The following SUCO variants were observed in gnomAD, a reference collection of about 807,000 sequenced individuals.
SUCO encodes SUN domain-containing ossification factor.
In SUCO, 57 loss-of-function variants were observed where a neutral mutation model predicts 148.1. The ratio of observed to expected loss-of-function variants is 0.38; its 90% CI spans 0.31 to 0.48. The LOEUF (loss-of-function observed/expected upper bound fraction) is 0.48, where lower values mean the gene tolerates loss of function less well. SUCO is among the 20% of genes least tolerant of loss of function. The pLI, the probability that SUCO is intolerant of heterozygous loss-of-function variation, is 0.96. For missense variants in SUCO, 1,331 were observed against 1,468.2 expected (o/e 0.91, Z 1.53); for synonymous variants, 470 against 502.7 (o/e 0.93, Z 0.87).
At chr1:172,570,017 T>G in intron 7 of SUCO, 30 bp from the exon 8 acceptor site, 4 of 1,357,424 alleles carry the variant, frequency 2.9e-6, no homozygotes, top group Non-Finnish European at 3.8e-6. Flanking sequence ...AATATATATA[T>G]AAATATTTAT....
chr1:172,602,832 T>A, intron 22 of SUCO, 45 bp downstream of exon 22: 1 of 1,475,058 alleles, frequency 6.8e-7, no homozygotes, highest in Non-Finnish European at 9.4e-7. Context: ...AACATGAAAC[T>A]AGCTTCTGGC....
chr1:172,581,379 G>T (rs536199385), intron 15 of SUCO, among the ~76,000 whole-genome samples: 1 of 152,124 alleles, frequency 6.6e-6, no homozygotes, highest in Non-Finnish European at 1.5e-5. Flanking sequence ...TCTCTAAAAT[G>T]AGATTTAAAA....
At chr1:172,558,928 A>G (rs1427630954) in intron 6 of SUCO, among the ~76,000 whole-genome samples, 1 of 152,356 alleles carries the variant, frequency 6.6e-6, no homozygotes, top group Admixed American at 6.5e-5. Flanking sequence ...TTGTGAGTCT[A>G]TGCTAATCGG....
At chr1:172,580,103 T>A (rs1655771077) in intron 15 of SUCO, among the ~76,000 whole-genome samples, 1 of 152,198 alleles carries the variant, frequency 6.6e-6, no homozygotes, top group Non-Finnish European at 1.5e-5. Flanking sequence ...TGATATTTTG[T>A]GTAGCCACAG....
intron 7 of SUCO, 45 bp from the exon 8 acceptor site, chr1:172,569,999 AATC>A (rs1654831262): frequency 2.3e-6 from 3 of 1,312,324 alleles, no homozygotes; most frequent in Non-Finnish European, 2.9e-6. Context: ...TTTCAGTCAT[AATC>A]ATCAAATATA....
chr1:172,611,559 C>T lies in SUCO; in HGVS notation c.*1300C>T, dbSNP rs1057091547. Reference sequence around the variant, plus strand: ...ATTGTTTGTAATGTGACTTATTTAACGCCTTTTTTGTTTGTTTAAGTTGCT... The same window carrying T: ...ATTGTTTGTAATGTGACTTATTTAATGCCTTTTTTGTTTGTTTAAGTTGCT... On this transcript the variant is annotated 3_prime_UTR_variant, in exon 24 of 24. Coordinates refer to ENST00000263688, the MANE Select transcript of SUCO (RefSeq NM_014283.5). 6.6e-6 allele frequency: 1 copy of T among 152,524 alleles called. No homozygotes were observed. The highest frequency in any genetic ancestry group is 1.5e-5 in the Non-Finnish European group (1 of 68,004). The allele number at this position is 152,524 out of a possible 1,614,324, so 9.4% of individuals were successfully genotyped here.
chr1:172,594,850 T>C (rs943695037), intron 19 of SUCO, among the ~76,000 whole-genome samples: 3 of 152,218 alleles, frequency 2.0e-5, no homozygotes, highest in Admixed American at 6.5e-5. Context: ...TTCTGTCTTA[T>C]TGATCTGTCG....
rs1320906348 is a variant in SUCO at position 172,590,981 on chromosome 1, T to C, written c.2826-3T>C. On this transcript the variant is annotated splice_region_variant and splice_polypyrimidine_tract_variant and intron_variant, in intron 18 of 23. Coordinates refer to ENST00000263688, the MANE Select transcript of SUCO (RefSeq NM_014283.5). Reference sequence around the variant, plus strand: ...CTGATTTAGACCAATTCTTACTTCATAGGTACCGAAAACAAATGGAAGAAA... The same window carrying C: ...CTGATTTAGACCAATTCTTACTTCACAGGTACCGAAAACAAATGGAAGAAA... The C allele has an allele frequency of 5.6e-6, 9 of 1,607,100 alleles. No individual in the cohort carries two copies. Among genetic ancestry groups the C allele is most frequent in the Non-Finnish European group, 7.7e-6 (9 of 1,175,326 alleles).
Position 172,578,307 on chromosome 1 carries a change from C to T in SUCO, c.1350C>T (p.Gly450=), listed in dbSNP as rs77202104. 5.1e-4 allele frequency: 826 copies of T among 1,609,830 alleles called. 8 individuals are homozygous for T. The East Asian group carries it at 0.017, about 33-fold the overall frequency. The part of the protein sequence containing the change: ...FCPLSLIRVF[G]TSMVEEYEEI... Reference sequence around the variant, plus strand: ...AAATTGTTGTTGATAGGGTATTTGGCACTAGCATGGTGGAAGAATATGAAG... The same window carrying T: ...AAATTGTTGTTGATAGGGTATTTGGTACTAGCATGGTGGAAGAATATGAAG... Residue 450 remains glycine, a synonymous_variant, in exon 14 of 24, where the codon GGC becomes GGT. Coordinates refer to ENST00000263688, the MANE Select transcript of SUCO (RefSeq NM_014283.5).
intron 6 of SUCO, among the ~76,000 whole-genome samples, chr1:172,567,143 A>G (rs754225203): frequency 3.3e-5 from 5 of 152,216 alleles, no homozygotes; most frequent in Non-Finnish European, 7.4e-5. Context: ...AAAAGAAGAA[A>G]TAGTCCCAGA....
At chr1:172,597,303 C>T (rs1657183266) in intron 19 of SUCO, among the ~76,000 whole-genome samples, 2 of 152,346 alleles carry the variant, frequency 1.3e-5, no homozygotes, top group Middle Eastern at 3.4e-3. Flanking sequence ...CCAACAAGCC[C>T]CACTGAGATG....
At chr1:172,553,495 G>A in intron 3 of SUCO, 125 bp downstream of exon 3, 1 of 509,334 alleles carries the variant, frequency 2.0e-6, no homozygotes, top group Non-Finnish European at 3.3e-6. Context: ...CTCTGTAACT[G>A]GACTTAAGAT....
rs771799812 is a variant in SUCO, at chr1:172,577,532, G to T, written c.1264-7G>T. The T allele has an allele frequency of 3.7e-6, 6 of 1,609,078 alleles. No homozygotes were observed. In the South Asian group the frequency reaches 6.6e-5, roughly 18 times the overall value. ...ATTTCTTTTTCTTTTCCTTTCTCTT[G>T]CTTCAGATGTTCATCAAGTACATAA... On this transcript the variant is annotated splice_region_variant and splice_polypyrimidine_tract_variant and intron_variant, in intron 11 of 23. Coordinates refer to ENST00000263688, the MANE Select transcript of SUCO (RefSeq NM_014283.5).
intron 16 of SUCO, among the ~76,000 whole-genome samples, chr1:172,585,426 C>G (rs1326115981): frequency 6.6e-6 from 1 of 152,064 alleles, no homozygotes; most frequent in Non-Finnish European, 1.5e-5. Flanking sequence ...TAAATAGCTA[C>G]TTGATTTAGA....
rs1390018424 is a variant in SUCO at position 172,533,262 on chromosome 1, C to G, written c.-174C>G. 4 of 1,549,006 alleles carry G rather than the reference C, an allele frequency of 2.6e-6. No homozygotes were observed. Among genetic ancestry groups the G allele is most frequent in the Non-Finnish European group, 3.5e-6 (4 of 1,146,852 alleles). On this transcript the variant is annotated 5_prime_UTR_variant, in exon 1 of 24. Coordinates refer to ENST00000263688, the MANE Select transcript of SUCO (RefSeq NM_014283.5). ...CCTGTCCGCGCCTCTGTGGGGCCCTCAGAGAGGGCTGCCAGGACGCGAGCC... is the reference window on the plus strand; with the variant it reads ...CCTGTCCGCGCCTCTGTGGGGCCCTGAGAGAGGGCTGCCAGGACGCGAGCC...
At chr1:172,555,314 A>T (rs1258420295) in intron 3 of SUCO, 1 of 804,140 alleles carries the variant, frequency 1.2e-6, no homozygotes, top group East Asian at 1.3e-4. Flanking sequence ...TTGGAGGAGG[A>T]GGTGCTGATA....
chr1:172,532,405 C>T, upstream of SUCO: 1 of 1,249,050 alleles, frequency 8.0e-7, no homozygotes, highest in Non-Finnish European at 1.1e-6. Flanking sequence ...AAGTGAGGAA[C>T]CCGGCAAGCG....
At chr1:172,583,894 A>G (rs1248575444) in intron 15 of SUCO, among the ~76,000 whole-genome samples, 2 of 152,234 alleles carry the variant, frequency 1.3e-5, no homozygotes, top group Admixed American at 1.3e-4. Context: ...ATGCTCATGT[A>G]TAAATATATC....
chr1:172,579,241 CA>C lies in SUCO; in HGVS notation c.1478del (p.Asn493IlefsTer11). ...LDYNTGEDKS[S>X]KNLLGSATNA... ...TATAATACTGGAGAGGATAAATCCT[CA>C]AAAAATCTTCTTGGTTCTGCTACAA... On this transcript the variant is annotated frameshift_variant, in exon 15 of 24. Coordinates refer to ENST00000263688, the MANE Select transcript of SUCO (RefSeq NM_014283.5). LOFTEE classifies it high-confidence loss of function. 1 of 1,599,184 alleles carries C rather than the reference CA, an allele frequency of 6.3e-7. No homozygotes were observed.
Sources: gnomAD v4.1 joint callset for allele counts (sites outside exome capture counted in the v4.1 genomes callset) on GRCh38, gnomAD v4.1.1 for gene constraint, MANE v1.5 for transcripts, NCBI Gene and HGNC (gene_info 2026-07-23, HGNC 2026-07-21) for gene names.